The following CREB5 variants were observed in gnomAD, a reference collection of about 807,000 sequenced individuals.
CREB5 encodes the protein cAMP responsive element binding protein 5.
Under a neutral mutation model 57.1 loss-of-function variants are expected in CREB5, and 19 were observed. The observed-to-expected ratio is 0.33, with a 90% confidence interval of 0.23 to 0.49. CREB5 has a LOEUF of 0.49. Ranked by LOEUF, CREB5 falls within the 20% of genes least tolerant of loss-of-function variation. The probability of loss-of-function intolerance (pLI) is 0.99; values close to 1 mark genes in which losing one functional copy is unlikely to be tolerated. For synonymous variants in CREB5, 238 were observed against 238.3 expected, an observed-to-expected ratio of 1.00 and a Z score of 0.01; for missense variants, 579 against 671.6, an observed-to-expected ratio of 0.86 and a Z score of 1.52.
At chr7:28,686,293 CTCT>C (rs1422434494) in intron 5 of CREB5, 1 of 861,842 alleles carries the variant, frequency 1.2e-6, no homozygotes, top group Middle Eastern at 2.2e-4. Context: ...CCTCCTCCTC[CTCT>C]TCATTTTCTC....
At chr7:28,783,106 C>T (rs557234910) in intron 7 of CREB5, among the ~76,000 whole-genome samples, 15 of 152,122 alleles carry the variant, frequency 9.9e-5, no homozygotes, top group Admixed American at 9.8e-4. Flanking sequence ...TATGGAGAAG[C>T]CAGCAAAATA....
At chr7:28,448,453 A>G (rs934628372) in intron 1 of CREB5, among the ~76,000 whole-genome samples, 1 of 152,224 alleles carries the variant, frequency 6.6e-6, no homozygotes, top group African/African-American at 2.4e-5. Context: ...GGCCCTGGCA[A>G]GACACCAATG....
chr7:28,641,058 C>T (rs1798639369), intron 5 of CREB5, among the ~76,000 whole-genome samples: 1 of 152,150 alleles, frequency 6.6e-6, no homozygotes, highest in South Asian at 2.1e-4. Context: ...ACAATGACCC[C>T]TTCATCTCTG....
intron 1 of CREB5, among the ~76,000 whole-genome samples, chr7:28,418,148 T>C (rs999824158): frequency 6.6e-6 from 1 of 152,226 alleles, no homozygotes; most frequent in African/African-American, 2.4e-5. Flanking sequence ...TTCCAAGCTT[T>C]TAACAAACTT....
chr7:28,622,425 A>ATG (rs1425832951), intron 5 of CREB5, among the ~76,000 whole-genome samples: 2 of 152,156 alleles, frequency 1.3e-5, no homozygotes, highest in Non-Finnish European at 2.9e-5. Flanking sequence ...TTACAAGACT[A>ATG]TGAAGACATG....
intron 5 of CREB5, among the ~76,000 whole-genome samples, chr7:28,630,401 A>T (rs947983186): frequency 3.3e-5 from 5 of 152,222 alleles, no homozygotes; most frequent in Non-Finnish European, 7.3e-5. Context: ...CTTCAGGAAC[A>T]ATGGGAAATG....
intron 4 of CREB5, among the ~76,000 whole-genome samples, chr7:28,546,779 C>T (rs1228291477): frequency 4.6e-5 from 7 of 152,138 alleles, no homozygotes; most frequent in African/African-American, 1.7e-4. Context: ...GTCAGGAAAC[C>T]TAAATTCAAG....
intron 4 of CREB5, among the ~76,000 whole-genome samples, chr7:28,528,831 TATG>T (rs1247980338): frequency 1.3e-5 from 2 of 150,326 alleles, no homozygotes; most frequent in Non-Finnish European, 2.9e-5. Flanking sequence ...TAAAGAAGAA[TATG>T]ATATTTATTT....
intron 5 of CREB5, among the ~76,000 whole-genome samples, chr7:28,620,596 T>C (rs992716223): frequency 6.6e-6 from 1 of 152,186 alleles, no homozygotes; most frequent in Non-Finnish European, 1.5e-5. Flanking sequence ...CTCGTGGAGA[T>C]ACTAGGAACT....
chr7:28,775,345 T>A (rs925322028), intron 7 of CREB5, among the ~76,000 whole-genome samples: 19 of 152,038 alleles, frequency 1.2e-4, no homozygotes, highest in Admixed American at 1.2e-3. Flanking sequence ...TCAATTTTTC[T>A]CTAGTTTAAT....
At chr7:28,560,933 TGTGCGTGC>T (rs765001195) in intron 4 of CREB5, among the ~76,000 whole-genome samples, 5 of 49,372 alleles carry the variant, frequency 1.0e-4, no homozygotes, top group African/African-American at 3.3e-4. Flanking sequence ...CGCGTGCGTG[TGTGCGTGC>T]GTGTGTGTGC....
chr7:28,723,558 G>A (rs370952989), intron 6 of CREB5, among the ~76,000 whole-genome samples: 146 of 152,274 alleles, frequency 9.6e-4, no homozygotes, highest in African/African-American at 3.3e-3. Context: ...CTGCAGCTGC[G>A]TAGAGTAGCA....
At chr7:28,643,755 G>GGGT (rs1554279443) in intron 5 of CREB5, among the ~76,000 whole-genome samples, 1 of 104,594 alleles carries the variant, frequency 9.6e-6, no homozygotes, top group Non-Finnish European at 1.9e-5. Context: ...GGGAGGTGGG[G>GGGT]GGGGGCGGAA....
chr7:28,558,436 G>A (rs542081285), intron 4 of CREB5, among the ~76,000 whole-genome samples: 3 of 152,346 alleles, frequency 2.0e-5, no homozygotes, highest in Admixed American at 2.0e-4. Flanking sequence ...GGTTCCACCA[G>A]AAGTGAAATG....
chr7:28,785,992 C>T (rs1400930898), intron 7 of CREB5, among the ~76,000 whole-genome samples: 1 of 152,160 alleles, frequency 6.6e-6, no homozygotes, highest in Non-Finnish European at 1.5e-5. Flanking sequence ...CCTTCCTCCC[C>T]TTACCCCCAT....
intron 5 of CREB5, among the ~76,000 whole-genome samples, chr7:28,695,757 C>T (rs1459255762): frequency 1.3e-5 from 2 of 152,134 alleles, no homozygotes; most frequent in African/African-American, 4.8e-5. Context: ...TGCCCCAGAA[C>T]CAGCACCCAC....
At chr7:28,637,496 G>A (rs1202444812) in intron 5 of CREB5, among the ~76,000 whole-genome samples, 1 of 152,174 alleles carries the variant, frequency 6.6e-6, no homozygotes, top group Non-Finnish European at 1.5e-5. Context: ...AAAGAAACAA[G>A]TAAGATGCTA....
intron 1 of CREB5, among the ~76,000 whole-genome samples, chr7:28,346,845 T>C (rs1002272512): frequency 2.2e-5 from 2 of 89,220 alleles, no homozygotes; most frequent in Non-Finnish European, 5.2e-5. Flanking sequence ...CAGCTACAAC[T>C]TGAAAGATCT....
intron 7 of CREB5, among the ~76,000 whole-genome samples, chr7:28,777,194 C>G (rs1452367429): frequency 6.6e-6 from 1 of 152,212 alleles, no homozygotes; most frequent in Non-Finnish European, 1.5e-5. Context: ...AAAGACATTT[C>G]TAGCTTAATT....
Sources: gnomAD v4.1 joint callset for allele counts (sites outside exome capture counted in the v4.1 genomes callset) on GRCh38, gnomAD v4.1.1 for gene constraint, MANE v1.5 for transcripts, NCBI Gene and HGNC (gene_info 2026-07-23, HGNC 2026-07-21) for gene names.